PI4KA: variants seen among roughly 807,000 people sequenced by gnomAD.
PI4KA encodes phosphatidylinositol 4-kinase alpha, also known as PI4-kinase alpha.
PI4KA carries 122 observed loss-of-function variants against 271.4 expected under a neutral mutation model. The ratio of observed to expected loss-of-function variants is 0.45; its 90% confidence interval spans 0.39 to 0.52. The LOEUF is 0.52. Among genes scored for constraint, PI4KA ranks in the 20% least tolerant of loss-of-function variants. The probability of loss-of-function intolerance (pLI) is 0.00; values close to 1 mark genes in which losing one functional copy is unlikely to be tolerated. For missense variants in PI4KA, 1,969 were observed against 2,769.1 expected (o/e 0.71, Z 6.48); for synonymous variants, 1,041 against 1,078.8 (o/e 0.96, Z 0.69).
intron 19 of PI4KA, among the ~76,000 whole-genome samples, chr22:20,768,491 A>T (rs1317404312): frequency 6.6e-6 from 1 of 152,262 alleles, no homozygotes; most frequent in Admixed American, 6.5e-5. Context: ...AAATATATAC[A>T]TATAGAACAA....
chr22:20,830,274 C>T (rs943097757), intron 3 of PI4KA, among the ~76,000 whole-genome samples: 1 of 152,208 alleles, frequency 6.6e-6, no homozygotes, highest in African/African-American at 2.4e-5. Flanking sequence ...ACCTAAGCCT[C>T]TTCATAGGTC....
intron 9 of PI4KA, 29 bp downstream of exon 9, chr22:20,810,938 T>G: frequency 1.3e-6 from 2 of 1,556,376 alleles, no homozygotes; most frequent in Non-Finnish European, 1.8e-6. Context: ...CAGGCTGATC[T>G]CATGGTAATG....
chr22:20,710,782 C>T lies in PI4KA; in HGVS notation c.6000G>A (p.Met2000Ile). 1 of 1,613,266 alleles carries T rather than the reference C, an allele frequency of 6.2e-7. No homozygotes were observed. Among genetic ancestry groups the T allele is most frequent in the Admixed American group, 1.7e-5 (1 of 60,022 alleles). ...CCATCTTGCCCCCCATGATCATCACCATCTCATCCGTCAGCTTGATGTCGG... is the reference window on the plus strand; with the variant it reads ...CCATCTTGCCCCCCATGATCATCACTATCTCATCCGTCAGCTTGATGTCGG... ...WEPDIKLTDE[M>I]VMIMGGKMEA... Residue 2000 changes from methionine (M) to isoleucine (I), a missense_variant, in exon 52 of 55, where the codon ATG becomes ATA. Physicochemically the swap from Met to Ile is conservative, Grantham distance 10 (BLOSUM62 1). This residue lies in a region of PI4KA where 110 missense variants were observed against 349.8 expected (regional missense o/e 0.31). Coordinates refer to ENST00000255882, the MANE Select transcript of PI4KA (RefSeq NM_058004.4).
chr22:20,816,026 G>A (rs930483526), intron 7 of PI4KA, among the ~76,000 whole-genome samples: 3 of 151,870 alleles, frequency 2.0e-5, no homozygotes, highest in Non-Finnish European at 2.9e-5. Flanking sequence ...CGCAACCTGC[G>A]TCTCCCAGGT....
intron 1 of PI4KA, among the ~76,000 whole-genome samples, chr22:20,854,627 T>C (rs1315836022): frequency 6.6e-6 from 1 of 152,134 alleles, no homozygotes; most frequent in Non-Finnish European, 1.5e-5. Flanking sequence ...TGAGCTGAGA[T>C]GTGAGGTCTG....
intron 23 of PI4KA, among the ~76,000 whole-genome samples, chr22:20,756,570 C>T (rs1205144897): frequency 1.3e-5 from 2 of 151,898 alleles, no homozygotes; most frequent in African/African-American, 4.8e-5. Flanking sequence ...ACTGTAAATT[C>T]CTGATAATCA....
At chr22:20,726,275 A>G (rs1317912269) in intron 42 of PI4KA, 2 of 468,496 alleles carry the variant, frequency 4.3e-6, no homozygotes, top group South Asian at 6.3e-5. Context: ...CGCTCCACAG[A>G]GCATGCTTGG....
chr22:20,765,797 C>T (rs1601438678), intron 19 of PI4KA, 104 bp from the exon 20 acceptor site: 2 of 720,710 alleles, frequency 2.8e-6, no homozygotes, highest in African/African-American at 3.5e-5. Context: ...AGAGCATTCT[C>T]AGAAACTCAG....
intron 1 of PI4KA, among the ~76,000 whole-genome samples, chr22:20,850,715 G>A (rs1371849299): frequency 6.6e-6 from 1 of 151,938 alleles, no homozygotes; most frequent in Admixed American, 6.6e-5. Context: ...GGGATTACAG[G>A]TGTGAGCCAC....
At position 20,729,635 on chromosome 22, in the gene PI4KA, C is replaced by G; in HGVS notation, c.4485G>C (p.Leu1495=). 2.6e-6 allele frequency: 4 copies of G among 1,567,762 alleles called. No homozygotes were observed. Among genetic ancestry groups the G allele is most frequent in the South Asian group, 1.2e-5 (1 of 85,910 alleles). Residue 1495 remains leucine (L), a synonymous_variant, in exon 38 of 55, where the codon CTG becomes CTC. Coordinates refer to ENST00000255882, the MANE Select transcript of PI4KA (RefSeq NM_058004.4). The part of the protein sequence containing the change: ...YMKRRTLLLS[L]LATEIERLIT... ...CAGCTGCACCTGTGGGCCTTACCAG[C>G]AGGGACAGCAGCAGCGTCCTGCGCT...
At chr22:20,715,075 CTT>C (rs745965775) in intron 45 of PI4KA, among the ~76,000 whole-genome samples, 21 of 143,972 alleles carry the variant, frequency 1.5e-4, no homozygotes, top group Non-Finnish European at 1.5e-4. Context: ...TCTTGGAGTC[CTT>C]TTTTTTTTTT....
At chr22:20,769,721 A>G (rs1347369435) in intron 19 of PI4KA, among the ~76,000 whole-genome samples, 1 of 152,132 alleles carries the variant, frequency 6.6e-6, no homozygotes, top group African/African-American at 2.4e-5. Flanking sequence ...TGAAATAGAT[A>G]AAGGATTCTA....
intron 20 of PI4KA, 82 bp from the exon 21 acceptor site, chr22:20,765,318 A>G: frequency 3.6e-6 from 5 of 1,394,280 alleles, no homozygotes; most frequent in East Asian, 2.3e-5. Context: ...TTCTATAGTC[A>G]TGGGTCCTTT....
intron 3 of PI4KA, among the ~76,000 whole-genome samples, chr22:20,824,732 T>TCACACACACACACACACACA (rs361914): frequency 7.3e-6 from 1 of 136,220 alleles, no homozygotes; most frequent in Non-Finnish European, 1.6e-5. Flanking sequence ...ATGTGATAAA[T>TCACACACACACACACACACA]CACACACACA....
At chr22:20,754,948 A>G (rs1601413423) in intron 23 of PI4KA, among the ~76,000 whole-genome samples, 1 of 152,276 alleles carries the variant, frequency 6.6e-6, no homozygotes, top group Middle Eastern at 3.4e-3. Context: ...ACTCCATCTC[A>G]AACAAAACAA....
intron 19 of PI4KA, chr22:20,779,657 G>T: frequency 6.2e-7 from 1 of 1,614,030 alleles, no homozygotes; most frequent in South Asian, 1.1e-5. Context: ...ACATCCTCCA[G>T]CTTTTTCATG....
Position 20,779,494 on chromosome 22 carries a change from A to T in PI4KA, c.2328+13699T>A, listed in dbSNP as rs551688559. 1.5e-5 allele frequency: 25 copies of T among 1,614,166 alleles called. No individual in the cohort carries two copies. The Admixed American group carries it at 1.7e-4, about 11-fold the overall frequency. On this transcript the variant is annotated intron_variant, in intron 19 of 54. Coordinates refer to ENST00000255882, the MANE Select transcript of PI4KA (RefSeq NM_058004.4). ...CCTCTTCTCCCTGCCGACTTCCACAAGGAAAACACCGTCACCAACGACTGG... is the reference window on the plus strand; with the variant it reads ...CCTCTTCTCCCTGCCGACTTCCACATGGAAAACACCGTCACCAACGACTGG...
At chr22:20,754,573 T>C (rs559626575) in intron 23 of PI4KA, among the ~76,000 whole-genome samples, 167 of 152,256 alleles carry the variant, frequency 1.1e-3, no homozygotes, top group Non-Finnish European at 1.5e-3. Context: ...CCCTTCACTT[T>C]GGCATCCACG....
Position 20,858,802 on chromosome 22 carries a change from A to G in PI4KA, c.-77T>C. On this transcript the variant is annotated 5_prime_UTR_variant, in exon 1 of 55. Coordinates refer to ENST00000255882, the MANE Select transcript of PI4KA (RefSeq NM_058004.4). ...GCGCCCGACCTCAGGGCGCAGGCGT[A>G]GGTGCATCCGGCTTTCCCGCCACGT... 2 of 1,361,388 alleles carry G rather than the reference A, an allele frequency of 1.5e-6. No individual in the cohort carries two copies. The highest frequency in any genetic ancestry group is 9.5e-7 in the Non-Finnish European group (1 of 1,056,216). The allele number at this position is 1,361,388 out of a possible 1,614,324, so 84.3% of individuals were successfully genotyped here. A position where few individuals can be genotyped will look rare whatever the true frequency, so the allele number is the denominator to read the frequency against.
Sources: gnomAD v4.1 joint callset for allele counts (sites outside exome capture counted in the v4.1 genomes callset) on GRCh38, gnomAD v4.1.1 for gene constraint, gnomAD v4.1.1 regional missense constraint, MANE v1.5 for transcripts, NCBI Gene and HGNC (gene_info 2026-07-23, HGNC 2026-07-21) for gene names.